PIK3R3: variants seen among roughly 807,000 people sequenced by gnomAD.
PIK3R3 encodes phosphatidylinositol 3-kinase regulatory subunit gamma.
PIK3R3 carries 64 observed loss-of-function variants against 62.9 expected under a neutral mutation model. The ratio of observed to expected loss-of-function variants is 1.02; its 90% CI spans 0.83 to 1.25. The LOEUF is 1.25. PIK3R3 is among the 50% of genes most tolerant of loss of function. The probability of loss-of-function intolerance (pLI) is 0.00; values close to 1 mark genes in which losing one functional copy is unlikely to be tolerated. For missense variants in PIK3R3, 614 were observed against 561.6 expected (o/e 1.09, Z -0.94); for synonymous variants, 165 against 189.0 (o/e 0.87, Z 1.04).
intron 1 of PIK3R3, among the ~76,000 whole-genome samples, chr1:46,099,548 T>C (rs1652460898): frequency 6.6e-6 from 1 of 152,222 alleles, no homozygotes; most frequent in South Asian, 2.1e-4. Context: ...CATTCTGCAT[T>C]ACATCTTTAG....
rs1650754472 is a variant in PIK3R3 at position 46,083,095 on chromosome 1, G to A, written c.107-2345C>T. On this transcript the variant is annotated intron_variant, in intron 1 of 9. Transcript: ENST00000262741. ...TTTGTCTCAAAAATAAACAAATAAA[G>A]AAATAAAGTCCCTTAGTCAACTGAT... Among the ~76,000 whole-genome samples the A allele has an allele frequency of 1.3e-5, 2 of 151,920 alleles. 1 individual carries two copies. The highest frequency in any genetic ancestry group is 4.2e-4 in the South Asian group (2 of 4,816).
At chr1:46,146,945 C>T in the PIK3R3 span, among the ~76,000 whole-genome samples, 1 of 152,082 alleles carries the variant, frequency 6.6e-6, no homozygotes. Flanking sequence ...AACATCTGTA[C>T]CCTCACGGAC....
chr1:46,139,438 T>C, the PIK3R3 span, among the ~76,000 whole-genome samples: 1 of 152,176 alleles, frequency 6.6e-6, no homozygotes, highest in Non-Finnish European at 1.5e-5. Context: ...CCTGAGAAGC[T>C]GGGATTACAG....
chr1:46,053,281 T>G (rs1571360743), intron 7 of PIK3R3, among the ~76,000 whole-genome samples: 1 of 151,980 alleles, frequency 6.6e-6, no homozygotes, highest in African/African-American at 2.4e-5. Context: ...TTTTCTGTGG[T>G]TTTTTTTGGT....
At position 46,067,030 on chromosome 1, in the gene PIK3R3, C is replaced by A. The variant is rs80189271; in HGVS notation, c.376G>T (p.Asp126Tyr). 6.2e-7 allele frequency: 1 copy of A among 1,602,968 alleles called. No homozygotes were observed. Among genetic ancestry groups the A allele is most frequent in the Non-Finnish European group, 8.5e-7 (1 of 1,175,662 alleles). Residue 126 changes from aspartate to tyrosine, a missense_variant, in exon 4 of 10, where the codon GAT becomes TAT. Transcript: ENST00000262741. ...YHRDGKYGFS[D>Y]PLTFNSVVEL... Reference sequence around the variant, plus strand: ...ACCACGGAATTAAATGTCAGAGGATCAGAAAAGCCATATTTACCATCCCGG... The same window carrying A: ...ACCACGGAATTAAATGTCAGAGGATAAGAAAAGCCATATTTACCATCCCGG...
chr1:46,101,992 T>TTC (rs1383961943), intron 1 of PIK3R3, among the ~76,000 whole-genome samples: 1 of 141,344 alleles, frequency 7.1e-6, no homozygotes, highest in Non-Finnish European at 1.5e-5. Context: ...TTTTTTTTTT[T>TTC]TTTTTTTTTT....
At chr1:46,104,973 T>C in intron 1 of PIK3R3, 1 of 678,010 alleles carries the variant, frequency 1.5e-6, no homozygotes, top group South Asian at 1.5e-5. Flanking sequence ...CATCTCCAAG[T>C]TCAAAGCATT....
At chr1:46,118,553 T>TC (rs1343239351) in intron 1 of PIK3R3, among the ~76,000 whole-genome samples, 3 of 149,826 alleles carry the variant, frequency 2.0e-5, no homozygotes, top group African/African-American at 7.4e-5. Flanking sequence ...CCATTACTTG[T>TC]CTTTTTTTTT....
chr1:46,074,692 T>C (rs1360469153), intron 3 of PIK3R3, among the ~76,000 whole-genome samples: 1 of 131,006 alleles, frequency 7.6e-6, no homozygotes, highest in East Asian at 2.2e-4. Flanking sequence ...GGGATGCTGT[T>C]ACTGGGGGTG....
chr1:46,154,081 T>C, the PIK3R3 span, among the ~76,000 whole-genome samples: 28 of 152,214 alleles, frequency 1.8e-4, 1 homozygote, highest in African/African-American at 6.5e-4. Context: ...TGTTTTCTTG[T>C]CATGTAACAG....
intron 3 of PIK3R3, among the ~76,000 whole-genome samples, chr1:46,071,753 A>AGC (rs1287535584): frequency 5.3e-5 from 7 of 132,334 alleles, no homozygotes; most frequent in African/African-American, 1.9e-4. Context: ...AGAGAGAGAG[A>AGC]GAGAGAGCGC....
chr1:46,141,257 T>C, the PIK3R3 span, among the ~76,000 whole-genome samples: 1 of 151,626 alleles, frequency 6.6e-6, no homozygotes, highest in African/African-American at 2.4e-5. Context: ...TCAAGCACAT[T>C]TTATTTTACT....
At chr1:46,168,839 A>G in the PIK3R3 span, among the ~76,000 whole-genome samples, 2 of 151,786 alleles carry the variant, frequency 1.3e-5, no homozygotes, top group African/African-American at 4.8e-5. Context: ...AGCCCCCTTT[A>G]CACCCCCTCC....
At chr1:46,127,437 C>T (rs1295607637) in intron 1 of PIK3R3, among the ~76,000 whole-genome samples, 1 of 150,978 alleles carries the variant, frequency 6.6e-6, no homozygotes, top group African/African-American at 2.4e-5. Context: ...AAAGAATTGT[C>T]CATTAATTTA....
chr1:46,162,370 G>C, the PIK3R3 span, among the ~76,000 whole-genome samples: 1 of 151,670 alleles, frequency 6.6e-6, no homozygotes, highest in African/African-American at 2.4e-5. Flanking sequence ...TGTAGTTCCA[G>C]CTACTCAGGA....
chr1:46,174,680 G>A, the PIK3R3 span, among the ~76,000 whole-genome samples: 6 of 152,148 alleles, frequency 3.9e-5, no homozygotes, highest in Non-Finnish European at 2.9e-5. Flanking sequence ...ACAGAAACCC[G>A]GTTACAGCCA....
In PIK3R3 at chr1:46,132,396, G is replaced by T; in HGVS notation, c.-444C>A. The T allele has an allele frequency of 8.9e-7, 1 of 1,125,354 alleles. No homozygotes were observed. The allele number at this position is 1,125,354 out of a possible 1,614,324, so 69.7% of individuals were successfully genotyped here. A position where few individuals can be genotyped will look rare whatever the true frequency, so the allele number is the denominator to read the frequency against. ...AAACCCGGGCAAGTGACAAAGGAAG[G>T]CAAAAAAGGGGGCTGGAGATTGCGT... is the stretch of plus-strand genomic sequence containing the variant. On this transcript the variant is annotated 5_prime_UTR_variant, in exon 1 of 10. Coordinates refer to ENST00000262741, the MANE Select transcript of PIK3R3 (RefSeq NM_003629.4).
chr1:46,078,304 G>T (rs1557587158), intron 2 of PIK3R3, among the ~76,000 whole-genome samples: 2 of 152,244 alleles, frequency 1.3e-5, no homozygotes, highest in African/African-American at 4.8e-5. Flanking sequence ...TTAGGAGGCT[G>T]AAGCAGAGAG....
chr1:46,104,332 CAAAATT>C (rs1294385847), intron 1 of PIK3R3, among the ~76,000 whole-genome samples: 2 of 152,124 alleles, frequency 1.3e-5, no homozygotes, highest in African/African-American at 4.8e-5. Flanking sequence ...TTTATGGTGA[CAAAATT>C]AAAAAGATTT....
Sources: gnomAD v4.1 joint callset for allele counts (sites outside exome capture counted in the v4.1 genomes callset) on GRCh38, gnomAD v4.1.1 for gene constraint, MANE v1.5 for transcripts, NCBI Gene and HGNC (gene_info 2026-07-23, HGNC 2026-07-21) for gene names.